Variants in ADGRG1 observed in about 807,000 individuals in gnomAD.
ADGRG1 encodes the protein 7-transmembrane protein with no EGF-like N-terminal domains-1.
ADGRG1 carries 53 observed loss-of-function variants against 73.5 expected under a neutral mutation model. That is an observed-to-expected ratio of 0.72 (90% CI 0.58 to 0.91). ADGRG1 has a LOEUF of 0.91. Among genes scored for constraint, ADGRG1 ranks in the 40% least tolerant of loss-of-function variants. The probability of loss-of-function intolerance (pLI) is 0.00; values close to 1 mark genes in which losing one functional copy is unlikely to be tolerated. For missense variants in ADGRG1, 795 were observed against 871.8 expected (o/e 0.91, Z 1.11); for synonymous variants, 394 against 374.4 (o/e 1.05, Z -0.60).
intron 1 of ADGRG1, chr16:57,642,258 G>A (rs555373791): frequency 1.2e-5 from 12 of 985,332 alleles, no homozygotes; most frequent in Middle Eastern, 5.2e-4. Context: ...TGGTGCTGCC[G>A]GCCGAAGGGA....
upstream of ADGRG1, chr16:57,624,228 A>G (rs1373920910): frequency 3.2e-6 from 3 of 938,758 alleles, no homozygotes; most frequent in Non-Finnish European, 3.8e-6. Flanking sequence ...GGCTGGGCGC[A>G]GTGGCTCACA....
intron 10 of ADGRG1, among the ~76,000 whole-genome samples, chr16:57,658,629 G>T (rs756009164): frequency 6.6e-6 from 1 of 152,190 alleles, no homozygotes; most frequent in African/African-American, 2.4e-5. Flanking sequence ...AGATGGGCTC[G>T]GCGGAAGGCT....
At chr16:57,639,453 A>G (rs1338245871) in intron 1 of ADGRG1, 2 of 985,298 alleles carry the variant, frequency 2.0e-6, no homozygotes, top group African/African-American at 1.7e-5. Flanking sequence ...GGGGCTTCTC[A>G]GCCTCTATTC....
At chr16:57,639,828 C>A in intron 1 of ADGRG1, 1 of 922,580 alleles carries the variant, frequency 1.1e-6, no homozygotes, top group Non-Finnish European at 1.3e-6. Context: ...TTTTCCTCTC[C>A]CGTGCATTCC....
At chr16:57,627,364 G>C (rs1305924010), upstream of ADGRG1, 1 of 152,676 alleles carries the variant, frequency 6.5e-6, no homozygotes, top group Admixed American at 6.5e-5. Flanking sequence ...TGGGGTGCTG[G>C]ATTGCTGAGT....
chr16:57,642,010 C>T, intron 1 of ADGRG1: 1 of 839,726 alleles, frequency 1.2e-6, no homozygotes, highest in Non-Finnish European at 1.4e-6. Flanking sequence ...GCCTCAGCCT[C>T]CCAAGTAGCT....
chr16:57,626,171 C>A (rs942841792), upstream of ADGRG1, among the ~76,000 whole-genome samples: 21 of 152,192 alleles, frequency 1.4e-4, no homozygotes, highest in African/African-American at 5.1e-4. Context: ...CAGGTCCAAG[C>A]TGTGCGACCT....
At position 57,655,408 on chromosome 16, in the gene ADGRG1, A is replaced by T; in HGVS notation, c.778A>T (p.Ser260Cys). 1 of 1,613,320 alleles carries T rather than the reference A, an allele frequency of 6.2e-7. No homozygotes were observed. The highest frequency in any genetic ancestry group is 8.5e-7 in the Non-Finnish European group (1 of 1,179,984). Residue 260 changes from serine to cysteine, a missense_variant, in exon 6 of 14, where the codon AGC becomes TGC. Physicochemically the swap from Ser to Cys is moderately radical, Grantham distance 112 (BLOSUM62 -1). Coordinates refer to ENST00000562631, the MANE Select transcript of ADGRG1 (RefSeq NM_201525.4). ...AAAGGGACCTCTGCAGGAGGAGCAGAGCGAGATCATGGAGTACTCGGTGCT... is the reference window on the plus strand; with the variant it reads ...AAAGGGACCTCTGCAGGAGGAGCAGTGCGAGATCATGGAGTACTCGGTGCT... The part of the protein sequence containing the change: ...HIHSRQEEEQ[S>C]EIMEYSVLLP...
intron 1 of ADGRG1, chr16:57,636,459 A>T: frequency 1.0e-6 from 1 of 985,176 alleles, no homozygotes; most frequent in South Asian, 4.7e-5. Context: ...AGTCTTGGGA[A>T]CCGTTCTCTG....
Position 57,663,484 on chromosome 16 carries a change from C to A in ADGRG1, c.1966C>A (p.Arg656=), listed in dbSNP as rs200285648. ...CATCTTCATCTGGTACTGGTCCATG[C>A]GGCTGCAGGCCCGGGGTGGCCCCTC... ...FLIFIWYWSM[R]LQARGGPSPL... The change falls in exon 14 of 14, where the codon CGG becomes AGG. Residue 656 remains arginine (R), a synonymous_variant. Transcript: ENST00000562631. The A allele has an allele frequency of 1.9e-6, 3 of 1,613,796 alleles. No individual in the cohort carries two copies. The highest frequency in any genetic ancestry group is 2.5e-6 in the Non-Finnish European group (3 of 1,179,888).
chr16:57,635,340 A>T, intron 1 of ADGRG1: 1 of 985,134 alleles, frequency 1.0e-6, no homozygotes, highest in Non-Finnish European at 1.2e-6. Flanking sequence ...GTGCACACCT[A>T]GGGGACCAGG....
Position 57,653,294 on chromosome 16 carries a change from C to T in ADGRG1, c.579C>T (p.Pro193=), listed in dbSNP as rs748647379. 1.9e-6 allele frequency: 3 copies of T among 1,612,412 alleles called. No homozygotes were observed. Among genetic ancestry groups the T allele is most frequent in the South Asian group, 1.1e-5 (1 of 91,078 alleles). The part of the protein sequence containing the change: ...LQLLSQFLKH[P]QKASRRPSAA... ...TGCTCAGCCAGTTCCTGAAGCATCC[C>T]CAGAAGGCCTCAAGGAGGCCCTCGG... Residue 193 remains proline (P), a synonymous_variant, in exon 4 of 14, where the codon CCC becomes CCT. Coordinates refer to ENST00000562631, the MANE Select transcript of ADGRG1 (RefSeq NM_201525.4).
At chr16:57,639,440 G>A in intron 1 of ADGRG1, 1 of 985,466 alleles carries the variant, frequency 1.0e-6, no homozygotes, top group Non-Finnish European at 1.2e-6. Context: ...CGCGCTGGCG[G>A]CTGGGGCTTC....
intron 1 of ADGRG1, chr16:57,631,389 G>A (rs2037868711): frequency 1.0e-6 from 1 of 985,956 alleles, no homozygotes; most frequent in African/African-American, 1.7e-5. Context: ...GGGGGGCTGT[G>A]CCATTTCAGG....
At position 57,661,202 on chromosome 16, in the gene ADGRG1, T is replaced by C. The variant is rs546801907; in HGVS notation, c.1664+326T>C. 1.8e-3 allele frequency: 1,404 copies of C among 785,660 alleles called. 2 individuals are homozygous for C. The highest frequency in any genetic ancestry group is 2.1e-3 in the Non-Finnish European group (1,331 of 647,442). The allele number at this position is 785,660 out of a possible 1,614,324, so 48.7% of individuals were successfully genotyped here. A position where few individuals can be genotyped will look rare whatever the true frequency, so the allele number is the denominator to read the frequency against. On this transcript the variant is annotated intron_variant, in intron 12 of 13. Coordinates refer to ENST00000562631, the MANE Select transcript of ADGRG1 (RefSeq NM_201525.4). ...GCACCTCTCTGTCTCCCCATGCAGATGGGAAGACAGAGGCTCAGGGAGGGA... is the reference window on the plus strand; with the variant it reads ...GCACCTCTCTGTCTCCCCATGCAGACGGGAAGACAGAGGCTCAGGGAGGGA...
chr16:57,651,017 T>G, intron 2 of ADGRG1, 183 bp from the exon 3 acceptor site: 1 of 1,518,770 alleles, frequency 6.6e-7, no homozygotes, highest in Non-Finnish European at 8.8e-7. Context: ...CTCAGTTTCC[T>G]CTTTTTATAG....
chr16:57,656,735 A>G (rs1190710442), intron 9 of ADGRG1, 118 bp downstream of exon 9: 12 of 766,898 alleles, frequency 1.6e-5, no homozygotes, highest in Non-Finnish European at 2.6e-5. Flanking sequence ...GGTAGCTTCT[A>G]TTGTTGTCCC....
chr16:57,635,883 C>T (rs1037597399), intron 1 of ADGRG1: 40 of 985,188 alleles, frequency 4.1e-5, no homozygotes, highest in Non-Finnish European at 4.8e-5. Flanking sequence ...GATAGTACCT[C>T]CTCATAGAGT....
At chr16:57,652,650 A>G (rs1340138649) in intron 3 of ADGRG1, 1 of 987,304 alleles carries the variant, frequency 1.0e-6, no homozygotes, top group African/African-American at 1.7e-5. Context: ...TCGGTTATGC[A>G]TTCAAAAGAT....
Sources: allele counts gnomAD v4.1 joint callset (sites outside exome capture counted in the v4.1 genomes callset), GRCh38; gene constraint gnomAD v4.1.1; transcripts MANE v1.5; gene names NCBI Gene and HGNC (gene_info 2026-07-23, HGNC 2026-07-21).